The following ZMAT4 variants were observed in gnomAD, a reference collection of about 807,000 sequenced individuals.
ZMAT4 encodes the protein zinc finger matrin-type protein 4.
In ZMAT4, 17 loss-of-function variants were observed where a neutral mutation model predicts 28.7. The ratio of observed to expected loss-of-function variants is 0.59; its 90% CI spans 0.41 to 0.89. ZMAT4 has a LOEUF of 0.89. Among genes scored for constraint, ZMAT4 ranks in the 40% least tolerant of loss-of-function variants. ZMAT4 has a pLI of 0.00. For synonymous variants in ZMAT4, 117 were observed against 109.2 expected, an observed-to-expected ratio of 1.07 and a Z score of -0.44; for missense variants, 240 against 283.8, an observed-to-expected ratio of 0.85 and a Z score of 1.11.
At chr8:40,762,381 G>A (rs953526609) in intron 3 of ZMAT4, among the ~76,000 whole-genome samples, 1 of 152,142 alleles carries the variant, frequency 6.6e-6, no homozygotes, top group Non-Finnish European at 1.5e-5. Context: ...AAGGCCAGGT[G>A]TGGTGGTTCA....
At chr8:40,817,186 C>A (rs1252453411) in intron 2 of ZMAT4, among the ~76,000 whole-genome samples, 1 of 152,060 alleles carries the variant, frequency 6.6e-6, no homozygotes, top group African/African-American at 2.4e-5. Flanking sequence ...ATACATGGAA[C>A]TTTCTAAAAA....
At position 40,668,482 on chromosome 8, in the gene ZMAT4, A is replaced by G. The variant is rs1037702490; in HGVS notation, c.577+6222T>C. ...AGACTTTGTCTCAAAAAAAAAAAAA[A>G]AAAAGAAAAGAAAAAAGAAAAAAAA... On this transcript the variant is annotated intron_variant, in intron 5 of 6. Transcript: ENST00000297737. Among the ~76,000 whole-genome samples, 189 of 151,476 alleles carry G rather than the reference A, an allele frequency of 1.2e-3. 1 individual carries two copies. The highest frequency in any genetic ancestry group is 1.9e-3 in the African/African-American group (78 of 41,394).
At chr8:40,743,809 T>C (rs1236857994) in intron 3 of ZMAT4, among the ~76,000 whole-genome samples, 1 of 151,798 alleles carries the variant, frequency 6.6e-6, no homozygotes, top group Non-Finnish European at 1.5e-5. Context: ...CAGATCATGG[T>C]GGTAATGGGG....
intron 2 of ZMAT4, among the ~76,000 whole-genome samples, chr8:40,781,789 A>AAAAAAAAAAAAAAAAC (rs1563480296): frequency 6.8e-6 from 1 of 147,848 alleles, no homozygotes; most frequent in African/African-American, 2.5e-5. Context: ...AAAAAAAAAA[A>AAAAAAAAAAAAAAAAC]AAGAAAAGAA....
At chr8:40,850,104 C>CA (rs1817047924) in intron 1 of ZMAT4, among the ~76,000 whole-genome samples, 1 of 152,202 alleles carries the variant, frequency 6.6e-6, no homozygotes, top group African/African-American at 2.4e-5. Context: ...CCTAAGCTGC[C>CA]ACTGTCTCTC....
At chr8:40,871,998 A>G (rs899781965) in intron 1 of ZMAT4, among the ~76,000 whole-genome samples, 3 of 152,240 alleles carry the variant, frequency 2.0e-5, no homozygotes, top group Non-Finnish European at 2.9e-5. Flanking sequence ...ATTTCAAAGT[A>G]GAAGAGGATA....
At chr8:40,569,443 T>C (rs73622415) in intron 6 of ZMAT4, among the ~76,000 whole-genome samples, 15,243 of 152,204 alleles carry the variant, frequency 0.1, 1,313 homozygotes, top group African/African-American at 0.24. Context: ...TAATTTCTTA[T>C]AAAATTTGGT....
chr8:40,831,411 T>C (rs1304066287), intron 1 of ZMAT4, among the ~76,000 whole-genome samples: 1 of 152,160 alleles, frequency 6.6e-6, no homozygotes, highest in Non-Finnish European at 1.5e-5. Context: ...GAGAAGCATG[T>C]CATTCAAAAT....
At chr8:40,870,457 G>A (rs544928902) in intron 1 of ZMAT4, among the ~76,000 whole-genome samples, 2 of 152,324 alleles carry the variant, frequency 1.3e-5, no homozygotes, top group African/African-American at 4.8e-5. Flanking sequence ...GAACCTGGGA[G>A]GGCAGAGAGA....
intron 5 of ZMAT4, among the ~76,000 whole-genome samples, chr8:40,647,071 G>A (rs1382853381): frequency 6.6e-6 from 1 of 152,208 alleles, no homozygotes; most frequent in Non-Finnish European, 1.5e-5. Flanking sequence ...GGGGGGAGGA[G>A]CCAAGATGGC....
intron 1 of ZMAT4, among the ~76,000 whole-genome samples, chr8:40,838,782 T>C (rs529809705): frequency 2.6e-5 from 4 of 151,986 alleles, no homozygotes; most frequent in African/African-American, 4.8e-5. Flanking sequence ...ACATGAACAG[T>C]TAGGTGGACA....
intron 6 of ZMAT4, among the ~76,000 whole-genome samples, chr8:40,551,521 G>A (rs575954630): frequency 6.6e-6 from 1 of 152,314 alleles, no homozygotes; most frequent in African/African-American, 2.4e-5. Flanking sequence ...CGATGTATTA[G>A]TGTAGTCTGG....
In ZMAT4 at chr8:40,629,839, C is replaced by T. The variant is rs368467977; in HGVS notation, c.577+44865G>A. On this transcript the variant is annotated intron_variant, in intron 5 of 6. Transcript: ENST00000297737. ...CATTTAGGTTGGTTCCAAGTCTTTGCTATTGTGAGTAGTGCCGCTATAAAC... is the reference window on the plus strand; with the variant it reads ...CATTTAGGTTGGTTCCAAGTCTTTGTTATTGTGAGTAGTGCCGCTATAAAC... Among the ~76,000 whole-genome samples the T allele has an allele frequency of 1.8e-3, 270 of 152,198 alleles. 2 individuals are homozygous for T. The highest frequency in any genetic ancestry group is 6.2e-3 in the African/African-American group (256 of 41,508).
intron 2 of ZMAT4, among the ~76,000 whole-genome samples, chr8:40,788,197 T>C (rs1449687150): frequency 1.3e-5 from 2 of 152,178 alleles, no homozygotes; most frequent in Admixed American, 1.3e-4. Context: ...TATATTAAAA[T>C]AATAATCAGG....
chr8:40,726,600 G>A (rs1163355439), intron 3 of ZMAT4, among the ~76,000 whole-genome samples: 1 of 152,180 alleles, frequency 6.6e-6, no homozygotes, highest in Non-Finnish European at 1.5e-5. Context: ...ATGTAATTTA[G>A]GTCAGAAGTC....
chr8:40,552,970 T>C (rs972788691), intron 6 of ZMAT4, among the ~76,000 whole-genome samples: 7 of 152,206 alleles, frequency 4.6e-5, no homozygotes, highest in African/African-American at 1.7e-4. Flanking sequence ...GGGAGTTATT[T>C]ATATCCTGCT....
At chr8:40,628,731 G>A (rs1806463933) in intron 5 of ZMAT4, among the ~76,000 whole-genome samples, 2 of 152,146 alleles carry the variant, frequency 1.3e-5, no homozygotes, top group African/African-American at 2.4e-5. Context: ...GGAGCAGAGA[G>A]ATGGAAATTC....
intron 5 of ZMAT4, among the ~76,000 whole-genome samples, chr8:40,604,803 A>T (rs1204311890): frequency 6.6e-6 from 1 of 152,180 alleles, no homozygotes; most frequent in Admixed American, 6.5e-5. Context: ...GTTGGTATCA[A>T]TTCTTCTATG....
intron 6 of ZMAT4, among the ~76,000 whole-genome samples, chr8:40,579,625 T>C (rs182286280): frequency 1.3e-5 from 2 of 152,344 alleles, no homozygotes; most frequent in East Asian, 3.9e-4. Context: ...TCACCTGAGC[T>C]AGACTCCCTG....
Sources: gnomAD v4.1 joint callset for allele counts (sites outside exome capture counted in the v4.1 genomes callset) on GRCh38, gnomAD v4.1.1 for gene constraint, MANE v1.5 for transcripts, NCBI Gene and HGNC (gene_info 2026-07-23, HGNC 2026-07-21) for gene names.